ZNF423: variants seen among roughly 807,000 people sequenced by gnomAD.
ZNF423 encodes the protein zinc finger protein 423.
A neutral mutation model predicts 95.8 loss-of-function variants in ZNF423; 12 were observed. The observed-to-expected ratio is 0.13, with a 90% CI of 0.08 to 0.20. ZNF423 has a LOEUF of 0.20. ZNF423 is among the 10% of genes least tolerant of loss of function. The pLI, the probability that ZNF423 is intolerant of heterozygous loss-of-function variation, is 1.00. For synonymous variants in ZNF423, 749 were observed against 711.9 expected (o/e 1.05, Z -0.83); for missense variants, 1,316 against 1,737.1 (o/e 0.76, Z 4.31).
At chr16:49,810,237 G>A (rs2034730564) in intron 1 of ZNF423, among the ~76,000 whole-genome samples, 1 of 152,112 alleles carries the variant, frequency 6.6e-6, no homozygotes, top group African/African-American at 2.4e-5. Flanking sequence ...CAGCCAGAGA[G>A]GGGCCTCTGC....
intron 3 of ZNF423, among the ~76,000 whole-genome samples, chr16:49,681,223 A>G (rs1193560358): frequency 1.3e-5 from 2 of 152,234 alleles, no homozygotes; most frequent in African/African-American, 4.8e-5. Context: ...GGGAAAACCA[A>G]CTGAACACCA....
chr16:49,568,918 C>T (rs1295817972), intron 5 of ZNF423, among the ~76,000 whole-genome samples: 1 of 152,088 alleles, frequency 6.6e-6, no homozygotes, highest in South Asian at 2.1e-4. Context: ...GCCTTCCCAC[C>T]GCCAGACCTT....
chr16:49,782,921 C>T (rs368568670), intron 2 of ZNF423, among the ~76,000 whole-genome samples: 2 of 147,336 alleles, frequency 1.4e-5, no homozygotes, highest in East Asian at 2.0e-4. Flanking sequence ...CCCAGGAGTT[C>T]GAGACCAACC....
At chr16:49,682,239 ATTTTCCCCC>A (rs2031391789) in intron 3 of ZNF423, among the ~76,000 whole-genome samples, 1 of 4,714 alleles carries the variant, frequency 2.1e-4, no homozygotes, top group Admixed American at 2.6e-3. Context: ...TCTCAACCCC[ATTTTCCCCC>A]AACCCCATTT....
rs147999567 is a variant in ZNF423 at position 49,637,193 on chromosome 16, C to G, written c.1983G>C (p.Leu661=). The G allele has an allele frequency of 3.7e-6, 6 of 1,613,812 alleles. No individual in the cohort carries two copies. Among genetic ancestry groups the G allele is most frequent in the Non-Finnish European group, 5.1e-6 (6 of 1,180,048 alleles). ...GCTTCCGCAGCAGCAGCTCCAGGTG[C>G]AGCTTCAGGTGGGTCTGGAAGCTCT... ...NFESFQTHLK[L]HLELLLRKQA... Residue 661 remains leucine, a synonymous_variant, in exon 4 of 8, where the codon CTG becomes CTC. Coordinates refer to ENST00000563137, the MANE Select transcript of ZNF423 (RefSeq NM_001379286.1). This position sits in a 1 kb window ranked among gnomAD's most constrained non-coding sequence, Gnocchi z 5.6.
At chr16:49,604,388 T>A (rs775063816) in intron 5 of ZNF423, among the ~76,000 whole-genome samples, 2 of 151,596 alleles carry the variant, frequency 1.3e-5, no homozygotes, top group Middle Eastern at 3.2e-3. Context: ...AGCTTTCCAG[T>A]GAAAACTTCA....
chr16:49,549,665 T>C (rs1283485825), intron 5 of ZNF423, among the ~76,000 whole-genome samples: 1 of 152,180 alleles, frequency 6.6e-6, no homozygotes, highest in Non-Finnish European at 1.5e-5. Context: ...ATACTTTACA[T>C]AAATTCACAC....
chr16:49,728,804 C>T (rs2033091491), intron 3 of ZNF423, among the ~76,000 whole-genome samples: 1 of 152,148 alleles, frequency 6.6e-6, no homozygotes, highest in African/African-American at 2.4e-5. Context: ...ATGATCTTGG[C>T]TCACCGCAAC....
intron 5 of ZNF423, among the ~76,000 whole-genome samples, chr16:49,552,612 A>G (rs913539096): frequency 2.6e-5 from 4 of 152,178 alleles, no homozygotes; most frequent in African/African-American, 9.7e-5. Context: ...TCAGCCAAAA[A>G]TCAATAGTAA....
At chr16:49,816,363 TA>T (rs1218069991) in intron 1 of ZNF423, among the ~76,000 whole-genome samples, 1 of 152,184 alleles carries the variant, frequency 6.6e-6, no homozygotes, top group Non-Finnish European at 1.5e-5. Context: ...GTCATTGAGC[TA>T]AAATGACATG....
rs374785462 is a variant in ZNF423 at position 49,654,271 on chromosome 16, C to G, written c.302-15397G>C. Among the ~76,000 whole-genome samples, 4 of 152,364 alleles carry G rather than the reference C, an allele frequency of 2.6e-5. No homozygotes were observed. The East Asian group carries it at 5.8e-4, about 22-fold the overall frequency. ...CTGCCCCCGAAAGCCCAACCCATGA[C>G]TTGGGGGCCAGCTCTGCCCACCTCC... On this transcript the variant is annotated intron_variant, in intron 3 of 7. Coordinates refer to ENST00000563137, the MANE Select transcript of ZNF423 (RefSeq NM_001379286.1).
Position 49,601,448 on chromosome 16 carries a change from G to T in ZNF423, c.3601+24722C>A, listed in dbSNP as rs866565738. ...GATCAATATTACTGTTGTTATTATC[G>T]TGTTAAAACTCTGAAACTTCCCACA... is the stretch of plus-strand genomic sequence containing the variant. On this transcript the variant is annotated intron_variant, in intron 5 of 7. Coordinates refer to ENST00000563137, the MANE Select transcript of ZNF423 (RefSeq NM_001379286.1). Among the ~76,000 whole-genome samples, 5 of 152,182 alleles carry T rather than the reference G, an allele frequency of 3.3e-5. No homozygotes were observed. In the East Asian group the frequency reaches 7.7e-4, roughly 23 times the overall value.
rs370202080 is a variant in ZNF423, at chr16:49,569,272, C to T, written c.3602-43778G>A. 3.3e-5 allele frequency among the ~76,000 whole-genome samples: 5 copies of T among 152,318 alleles called. No homozygotes were observed. In the East Asian group the frequency reaches 9.7e-4, roughly 29 times the overall value. ...ACCCAGAATGAGCTTTTCATGGACT[C>T]CTGGAGAAGGCAATTCCTAAGGGTC... On this transcript the variant is annotated intron_variant, in intron 5 of 7. Coordinates refer to ENST00000563137, the MANE Select transcript of ZNF423 (RefSeq NM_001379286.1).
At chr16:49,852,644 G>A (rs919556857) in intron 1 of ZNF423, among the ~76,000 whole-genome samples, 1 of 152,100 alleles carries the variant, frequency 6.6e-6, no homozygotes, top group Non-Finnish European at 1.5e-5. Flanking sequence ...AGGGGAGAAA[G>A]GTGTAGGGAG....
At chr16:49,809,981 G>A (rs1388963594) in intron 1 of ZNF423, among the ~76,000 whole-genome samples, 6 of 151,678 alleles carry the variant, frequency 4.0e-5, no homozygotes, top group Non-Finnish European at 8.8e-5. Flanking sequence ...TCGAGGACAG[G>A]GGCAACCATG....
At chr16:49,550,029 T>C (rs958315960) in intron 5 of ZNF423, among the ~76,000 whole-genome samples, 3 of 152,118 alleles carry the variant, frequency 2.0e-5, no homozygotes, top group African/African-American at 4.8e-5. Flanking sequence ...CACGCCACCA[T>C]GCACAGACAA....
chr16:49,849,523 T>A (rs1298260923), intron 1 of ZNF423, among the ~76,000 whole-genome samples: 1 of 152,166 alleles, frequency 6.6e-6, no homozygotes, highest in Non-Finnish European at 1.5e-5. Context: ...ACTATATCAA[T>A]AAGAAGCCAC....
chr16:49,815,874 AAAAAAAAATATATATATAT>A (rs1567356027), intron 1 of ZNF423, among the ~76,000 whole-genome samples: 2 of 60,362 alleles, frequency 3.3e-5, no homozygotes, highest in African/African-American at 1.5e-4. Flanking sequence ...AACAAACAAA[AAAAAAAAATATATATATAT>A]ATATATATAT....
chr16:49,629,071 C>T (rs1337329251), intron 4 of ZNF423, among the ~76,000 whole-genome samples: 2 of 152,110 alleles, frequency 1.3e-5, no homozygotes, highest in African/African-American at 4.8e-5. Flanking sequence ...AGGTCCCAGG[C>T]CCAACCCTCA....
Sources: allele counts gnomAD v4.1 joint callset (sites outside exome capture counted in the v4.1 genomes callset), GRCh38; gene constraint gnomAD v4.1.1; non-coding constraint Gnocchi (gnomAD v3.1); transcripts MANE v1.5; gene names NCBI Gene and HGNC (gene_info 2026-07-23, HGNC 2026-07-21).